Variants in PTCHD4 observed in about 807,000 individuals in gnomAD.
PTCHD4 encodes the protein patched domain containing 4.
A neutral mutation model predicts 58.1 loss-of-function variants in PTCHD4; 33 were observed. The observed-to-expected ratio is 0.57, with a 90% CI of 0.43 to 0.76. The LOEUF (loss-of-function observed/expected upper bound fraction) is 0.76, where lower values mean the gene tolerates loss of function less well. PTCHD4 is among the 30% of genes least tolerant of loss of function. The pLI is 0.00. For missense variants in PTCHD4, 1,058 were observed against 1,027.1 expected, an observed-to-expected ratio of 1.03 and a Z score of -0.41; for synonymous variants, 478 against 409.6, an observed-to-expected ratio of 1.17 and a Z score of -2.02.
At chr6:47,938,039 G>A (rs1013051172) in intron 4 of PTCHD4, among the ~76,000 whole-genome samples, 1 of 152,130 alleles carries the variant, frequency 6.6e-6, no homozygotes, top group African/African-American at 2.4e-5. Context: ...TGTAGTCCCA[G>A]CTACTCGGCA....
intron 3 of PTCHD4, among the ~76,000 whole-genome samples, chr6:48,035,474 T>A (rs1763600377): frequency 6.6e-6 from 1 of 151,996 alleles, no homozygotes; most frequent in Non-Finnish European, 1.5e-5. Flanking sequence ...AAATTATGAA[T>A]CAGAAAAAGG....
chr6:47,963,144 T>C (rs1184498794), intron 4 of PTCHD4, among the ~76,000 whole-genome samples: 1 of 150,632 alleles, frequency 6.6e-6, no homozygotes, highest in Admixed American at 6.6e-5. Flanking sequence ...AATAAATAAG[T>C]AAATAAATAA....
intron 3 of PTCHD4, among the ~76,000 whole-genome samples, chr6:48,050,934 A>G (rs553038048): frequency 1.3e-5 from 2 of 152,152 alleles, no homozygotes; most frequent in African/African-American, 4.8e-5. Flanking sequence ...CAGTTGTGTA[A>G]TGCTGTACTT....
chr6:48,083,949 T>C, intron 1 of PTCHD4, among the ~76,000 whole-genome samples: 1 of 152,178 alleles, frequency 6.6e-6, no homozygotes, highest in Non-Finnish European at 1.5e-5. Context: ...TTAAGCCACA[T>C]TATACTCAGA....
At chr6:47,996,227 G>A (rs1333683947) in intron 4 of PTCHD4, among the ~76,000 whole-genome samples, 1 of 152,126 alleles carries the variant, frequency 6.6e-6, no homozygotes. Flanking sequence ...CAGCACTTTT[G>A]GGAGGCTGAG....
chr6:48,060,417 G>C (rs1488191816), intron 3 of PTCHD4, among the ~76,000 whole-genome samples: 1 of 152,154 alleles, frequency 6.6e-6, no homozygotes, highest in African/African-American at 2.4e-5. Context: ...GAAACTATGA[G>C]AGCCCTTTAC....
rs898892432 is a variant in PTCHD4, at chr6:47,872,016, T to C, written c.*6287A>G. On this transcript the variant is annotated 3_prime_UTR_variant, in exon 5 of 5. Coordinates refer to ENST00000339488, the MANE Select transcript of PTCHD4 (RefSeq NM_001384253.1). Reference sequence around the variant, plus strand: ...GACTGTACCAGGAGATGCAAGAATATGACGGCTTATTCTTTTTTTTTTTTC... The same window carrying C: ...GACTGTACCAGGAGATGCAAGAATACGACGGCTTATTCTTTTTTTTTTTTC... Among the ~76,000 whole-genome samples, 1 of 151,416 alleles carries C rather than the reference T, an allele frequency of 6.6e-6. No homozygotes were observed. The highest frequency in any genetic ancestry group is 1.5e-5 in the Non-Finnish European group (1 of 67,656).
At chr6:48,041,942 T>A (rs1227983066) in intron 3 of PTCHD4, among the ~76,000 whole-genome samples, 1 of 152,090 alleles carries the variant, frequency 6.6e-6, no homozygotes, top group Non-Finnish European at 1.5e-5. Context: ...AGCTGCTCAT[T>A]GCAAAATTTC....
At position 47,922,069 on chromosome 6, in the gene PTCHD4, TTGAGGCTGCAG is replaced by T. The variant is rs1765450285; in HGVS notation, c.899-42144_899-42134del. ...GGGAGGATTGCTTGAGCCCAGGAGTTTGAGGCTGCAGTGATGTATGATTGCACCACTGCACT... is the reference window on the plus strand; with the variant it reads ...GGGAGGATTGCTTGAGCCCAGGAGTTTGATGTATGATTGCACCACTGCACT... On this transcript the variant is annotated intron_variant, in intron 4 of 4. Transcript: ENST00000339488. Among the ~76,000 whole-genome samples, 4 of 151,958 alleles carry T rather than the reference TTGAGGCTGCAG, an allele frequency of 2.6e-5. No individual in the cohort carries two copies. The South Asian group carries it at 8.3e-4, about 32-fold the overall frequency.
chr6:47,886,960 C>T (rs1312641480), intron 4 of PTCHD4, among the ~76,000 whole-genome samples: 1 of 152,158 alleles, frequency 6.6e-6, no homozygotes, highest in African/African-American at 2.4e-5. Context: ...ACTGAGATTG[C>T]CCGTTGGTGG....
chr6:47,897,940 CTTTTTTTTTT>C (rs67063892), intron 4 of PTCHD4, among the ~76,000 whole-genome samples: 1 of 76,356 alleles, frequency 1.3e-5, no homozygotes, highest in Non-Finnish European at 2.4e-5. Context: ...TTCTTTCTTT[CTTTTTTTTTT>C]TTTTTTTTTT....
chr6:48,079,195 A>G (rs1016694111), intron 1 of PTCHD4, among the ~76,000 whole-genome samples: 5 of 152,068 alleles, frequency 3.3e-5, no homozygotes, highest in Non-Finnish European at 5.9e-5. Flanking sequence ...TTGGTTACCA[A>G]ACTGAGGTTT....
chr6:47,971,326 A>C (rs1215096594), intron 4 of PTCHD4, among the ~76,000 whole-genome samples: 1 of 147,084 alleles, frequency 6.8e-6, no homozygotes, highest in African/African-American at 2.5e-5. Context: ...TGAAAGTATG[A>C]TTGCTGAATA....
chr6:47,987,120 G>T, intron 4 of PTCHD4, among the ~76,000 whole-genome samples: 1 of 151,852 alleles, frequency 6.6e-6, no homozygotes, highest in East Asian at 1.9e-4. Flanking sequence ...TGAACAAATT[G>T]TCACCTAGGA....
At chr6:48,094,925 C>T (rs537314971) in intron 1 of PTCHD4, among the ~76,000 whole-genome samples, 1 of 152,048 alleles carries the variant, frequency 6.6e-6, no homozygotes, top group African/African-American at 2.4e-5. Flanking sequence ...CTGTATGATT[C>T]TACTTATGTA....
At chr6:47,895,084 G>A (rs924413067) in intron 4 of PTCHD4, among the ~76,000 whole-genome samples, 1 of 152,030 alleles carries the variant, frequency 6.6e-6, no homozygotes, top group African/African-American at 2.4e-5. Context: ...GCAGTGAGCT[G>A]AGATTGTGCC....
At chr6:48,071,662 T>G (rs1183791371) in intron 1 of PTCHD4, among the ~76,000 whole-genome samples, 1 of 152,226 alleles carries the variant, frequency 6.6e-6, no homozygotes, top group Non-Finnish European at 1.5e-5. Context: ...AGAATCAATA[T>G]TAATACATTA....
rs1030106900 is a variant in PTCHD4, at chr6:47,870,596, G to A, written c.*7707C>T. 6.6e-6 allele frequency among the ~76,000 whole-genome samples: 1 copy of A among 151,556 alleles called. No homozygotes were observed. The highest frequency in any genetic ancestry group is 1.5e-5 in the Non-Finnish European group (1 of 67,690). On this transcript the variant is annotated 3_prime_UTR_variant, in exon 5 of 5. Transcript: ENST00000339488. ...ATTGGAAACTTTGGAAACTTTGGAA[G>A]GACTTTTGGTTTGGGTTCTTAGTAA...
intron 4 of PTCHD4, among the ~76,000 whole-genome samples, chr6:48,003,512 A>G (rs149399026): frequency 1.1e-3 from 167 of 152,260 alleles, no homozygotes; most frequent in African/African-American, 3.9e-3. Flanking sequence ...ATTCCTTTTT[A>G]TCACCATCCC....
Sources: allele counts gnomAD v4.1 joint callset (sites outside exome capture counted in the v4.1 genomes callset), GRCh38; gene constraint gnomAD v4.1.1; transcripts MANE v1.5; gene names NCBI Gene and HGNC (gene_info 2026-07-23, HGNC 2026-07-21).